Variants in TMEM108 observed in about 807,000 individuals in gnomAD.
TMEM108 encodes cancer/testis antigen 124.
A neutral mutation model predicts 35.1 loss-of-function variants in TMEM108; 12 were observed. The observed-to-expected ratio is 0.34, with a 90% CI of 0.22 to 0.55. TMEM108 has a LOEUF of 0.55. TMEM108 is among the 20% of genes least tolerant of loss of function. The probability of loss-of-function intolerance (pLI) is 0.89; values close to 1 mark genes in which losing one functional copy is unlikely to be tolerated. For missense variants in TMEM108, 680 were observed against 753.3 expected (o/e 0.90, Z 1.14); for synonymous variants, 287 against 308.6 (o/e 0.93, Z 0.73).
intron 2 of TMEM108, among the ~76,000 whole-genome samples, chr3:133,132,889 T>G (rs934344345): frequency 1.3e-5 from 2 of 152,056 alleles, no homozygotes; most frequent in Non-Finnish European, 2.9e-5. Context: ...CCAATCCTCA[T>G]GGATGACTTG....
At chr3:133,117,963 CCTT>C (rs1243811359) in intron 2 of TMEM108, among the ~76,000 whole-genome samples, 3 of 152,008 alleles carry the variant, frequency 2.0e-5, no homozygotes, top group African/African-American at 7.3e-5. Flanking sequence ...TTAAAACTGT[CCTT>C]CTTTAGAATC....
intron 2 of TMEM108, among the ~76,000 whole-genome samples, chr3:133,048,560 A>G (rs1229800463): frequency 6.6e-6 from 1 of 152,214 alleles, no homozygotes; most frequent in East Asian, 1.9e-4. Context: ...ACTCTAAAAC[A>G]AGGCCAGTGC....
intron 3 of TMEM108, among the ~76,000 whole-genome samples, chr3:133,301,014 ACACACACACACAC>A (rs1947217701): frequency 1.2e-5 from 1 of 84,206 alleles, no homozygotes; most frequent in Non-Finnish European, 2.9e-5. Flanking sequence ...ACACACACAC[ACACACACACACAC>A]ACACACACAA....
At chr3:133,084,989 A>C (rs1013060556) in intron 2 of TMEM108, among the ~76,000 whole-genome samples, 1 of 152,180 alleles carries the variant, frequency 6.6e-6, no homozygotes, top group African/African-American at 2.4e-5. Context: ...TATACCAGAC[A>C]GTCGTCTTCA....
rs1193107471 is a variant in TMEM108, at chr3:133,380,951, G to C, written c.1240G>C (p.Val414Leu). 6.2e-7 allele frequency: 1 copy of C among 1,614,120 alleles called. No individual in the cohort carries two copies. The highest frequency in any genetic ancestry group is 8.5e-7 in the Non-Finnish European group (1 of 1,180,018). The change falls in exon 4 of 6, where the codon GTG becomes CTG. Residue 414 changes from valine (V) to leucine (L), a missense_variant. Coordinates refer to ENST00000321871, the MANE Select transcript of TMEM108 (RefSeq NM_023943.4). The surrounding 1 kb of genome is among the most constrained non-coding windows in gnomAD (Gnocchi z 5.3). Reference sequence around the variant, plus strand: ...GGCCACCCTCACCATGACCGACCGGGTGCCCAGTCCTCTCTCCACAGTGGT... The same window carrying C: ...GGCCACCCTCACCATGACCGACCGGCTGCCCAGTCCTCTCTCCACAGTGGT... The part of the protein sequence containing the change: ...TVATLTMTDR[V>L]PSPLSTVVST...
intron 2 of TMEM108, among the ~76,000 whole-genome samples, chr3:133,213,252 C>G (rs548500914): frequency 3.3e-5 from 5 of 152,272 alleles, no homozygotes; most frequent in Non-Finnish European, 5.9e-5. Context: ...ATATGATGTG[C>G]AAGACACATG....
chr3:133,378,219 T>C, intron 3 of TMEM108: 1 of 488,152 alleles, frequency 2.0e-6, no homozygotes, highest in Non-Finnish European at 2.7e-6. Flanking sequence ...TCCCCACCAA[T>C]TTAGAAGTGC....
At chr3:133,299,931 G>C (rs1021479214) in intron 3 of TMEM108, among the ~76,000 whole-genome samples, 5 of 152,228 alleles carry the variant, frequency 3.3e-5, no homozygotes, top group Non-Finnish European at 7.3e-5. Context: ...CTGAAAATCA[G>C]AGTGGAGAAA....
intron 3 of TMEM108, among the ~76,000 whole-genome samples, chr3:133,236,376 C>G (rs1283855531): frequency 2.0e-5 from 3 of 152,066 alleles, no homozygotes; most frequent in Non-Finnish European, 4.4e-5. Flanking sequence ...GACCCCTACT[C>G]TATAGAATTT....
intron 2 of TMEM108, among the ~76,000 whole-genome samples, chr3:133,057,955 A>G (rs539337257): frequency 6.6e-6 from 1 of 152,286 alleles, no homozygotes; most frequent in Admixed American, 6.5e-5. Context: ...TGGTTGTATT[A>G]CGTTACTTGT....
chr3:133,175,188 A>G (rs140956365), intron 2 of TMEM108, among the ~76,000 whole-genome samples: 2,454 of 152,304 alleles, frequency 0.016, 69 homozygotes, highest in African/African-American at 0.054. Flanking sequence ...AACAGACCAA[A>G]TTTACGTCTG....
intron 3 of TMEM108, among the ~76,000 whole-genome samples, chr3:133,266,796 G>A (rs933821822): frequency 6.6e-6 from 1 of 152,006 alleles, no homozygotes; most frequent in African/African-American, 2.4e-5. Context: ...AAGGTGGCCG[G>A]GCGTGGTGGC....
chr3:133,279,347 C>A (rs1272183186), intron 3 of TMEM108, among the ~76,000 whole-genome samples: 2 of 152,128 alleles, frequency 1.3e-5, no homozygotes, highest in African/African-American at 4.8e-5. Context: ...ATGAGACCAT[C>A]CTAGTTTTGA....
chr3:133,127,430 G>A (rs925746378), intron 2 of TMEM108, among the ~76,000 whole-genome samples: 6 of 152,218 alleles, frequency 3.9e-5, no homozygotes, highest in South Asian at 4.2e-4. Flanking sequence ...GTGAGAACTC[G>A]GATGGGAAGA....
intron 3 of TMEM108, among the ~76,000 whole-genome samples, chr3:133,263,190 T>A (rs549061370): frequency 6.6e-6 from 1 of 152,178 alleles, no homozygotes; most frequent in African/African-American, 2.4e-5. Context: ...TAGAGAAAAA[T>A]AATTGAAATA....
In TMEM108 at chr3:133,194,922, CAT is replaced by C. The variant is rs141026180; in HGVS notation, c.-46-34343_-46-34342del. On this transcript the variant is annotated intron_variant, in intron 2 of 5. Transcript: ENST00000321871. ...TCTGCCCCCCGGCACTAACACTTGA[CAT>C]GTGTGTGCATGTCTCTCAAAGGACA... 9.7e-3 allele frequency among the ~76,000 whole-genome samples: 1,476 copies of C among 152,256 alleles called. 10 individuals carry two copies. The highest frequency in any genetic ancestry group is 0.015 in the Non-Finnish European group (1,021 of 68,036).
At chr3:133,154,581 A>G (rs978169822) in intron 2 of TMEM108, among the ~76,000 whole-genome samples, 1 of 152,150 alleles carries the variant, frequency 6.6e-6, no homozygotes, top group Non-Finnish European at 1.5e-5. Context: ...TGAAGCTGGA[A>G]ACCATCATTC....
At chr3:133,275,142 T>G (rs1946821534) in intron 3 of TMEM108, among the ~76,000 whole-genome samples, 1 of 152,218 alleles carries the variant, frequency 6.6e-6, no homozygotes, top group Middle Eastern at 3.4e-3. Flanking sequence ...GGTTTAGCTC[T>G]GACTCTACAA....
intron 3 of TMEM108, among the ~76,000 whole-genome samples, chr3:133,309,220 TTTTTTA>T (rs2071088464): frequency 6.6e-6 from 1 of 152,216 alleles, no homozygotes; most frequent in Non-Finnish European, 1.5e-5. Context: ...CCCTTTGTCA[TTTTTTA>T]TTGCGTCTAT....
Sources: gnomAD v4.1 joint callset for allele counts (sites outside exome capture counted in the v4.1 genomes callset) on GRCh38, gnomAD v4.1.1 for gene constraint, Gnocchi (gnomAD v3.1) non-coding constraint, MANE v1.5 for transcripts, NCBI Gene and HGNC (gene_info 2026-07-23, HGNC 2026-07-21) for gene names.